Variants in AEBP1 observed in about 807,000 individuals in gnomAD.
AEBP1 encodes the protein AE binding protein 1.
AEBP1 carries 69 observed loss-of-function variants against 116.5 expected under a neutral mutation model. The ratio of observed to expected loss-of-function variants is 0.59; its 90% CI spans 0.49 to 0.72. The LOEUF is 0.72. AEBP1 is among the 30% of genes least tolerant of loss of function. The pLI is 0.00. For missense variants in AEBP1, 1,444 were observed against 1,557.5 expected, an observed-to-expected ratio of 0.93 and a Z score of 1.23; for synonymous variants, 627 against 627.3, an observed-to-expected ratio of 1.00 and a Z score of 0.01.
rs2096224651 is a variant in AEBP1 at position 44,107,861 on chromosome 7, G to A, written c.792G>A (p.Arg264=). The change falls in exon 5 of 21, where the codon AGG becomes AGA. Residue 264 remains arginine (R), a synonymous_variant. Transcript: ENST00000223357. The surrounding 1 kb of genome is among the most constrained non-coding windows in gnomAD (Gnocchi z 4.3). ...KQPRPPPSRR[R]RPERVWPEPP... ...CCAGGCCACCCCCAAGCAGAAGGAG[G>A]AGGCCCGAGCGGGTCTGGCCAGAGC... 1.9e-6 allele frequency: 3 copies of A among 1,609,746 alleles called. No homozygotes were observed. The East Asian group carries it at 6.7e-5, about 36-fold the overall frequency.
At position 44,108,473 on chromosome 7, in the gene AEBP1, C is replaced by G. The variant is rs1256641310; in HGVS notation, c.940+389C>G. On this transcript the variant is annotated intron_variant, in intron 6 of 20. Transcript: ENST00000223357. This position sits in a 1 kb window ranked among gnomAD's most constrained non-coding sequence, Gnocchi z 5.0. ...GCTTTTGCCTCCCTGTTGCTCATGC[C>G]CCTGCGTCCCTGGAGCCCTCAGGTT... 6.6e-6 allele frequency among the ~76,000 whole-genome samples: 1 copy of G among 152,088 alleles called. No individual in the cohort carries two copies. Among genetic ancestry groups the G allele is most frequent in the Non-Finnish European group, 1.5e-5 (1 of 67,986 alleles).
At chr7:44,109,440 G>A in intron 9 of AEBP1, 99 bp downstream of exon 9, 2 of 1,325,448 alleles carry the variant, frequency 1.5e-6, no homozygotes, top group Non-Finnish European at 2.0e-6. Context: ...CAGGTCCCCG[G>A]AACCCTTTCC....
rs370022508 is a variant in AEBP1 at position 44,110,940 on chromosome 7, A to G, written c.1513A>G (p.Thr505Ala). ...MTFHGNVDKD[T>A]PVLSELPEPV... is the part of the protein sequence containing the mutation. The stretch of plus-strand genomic sequence containing the variant: ...CTTTCATGGGAACGTGGACAAGGAC[A>G]CACCCGTGCTGAGTGAGCTCCCAGA... Residue 505 changes from threonine to alanine, a missense_variant, in exon 13 of 21, where the codon ACA becomes GCA. By Grantham distance (58) the Thr-to-Ala change is moderately conservative. Coordinates refer to ENST00000223357, the MANE Select transcript of AEBP1 (RefSeq NM_001129.5). 1 of 1,613,992 alleles carries G rather than the reference A, an allele frequency of 6.2e-7. No individual in the cohort carries two copies. The highest frequency in any genetic ancestry group is 8.5e-7 in the Non-Finnish European group (1 of 1,179,998).
intron 9 of AEBP1, chr7:44,109,549 G>A: frequency 1.6e-6 from 1 of 627,068 alleles, no homozygotes; most frequent in Non-Finnish European, 2.7e-6. Context: ...CCTGCTTCAG[G>A]AGGGTGGCAG....
At chr7:44,109,511 G>A in intron 9 of AEBP1, 170 bp downstream of exon 9, 2 of 744,772 alleles carry the variant, frequency 2.7e-6, no homozygotes, top group South Asian at 2.0e-5. Context: ...GCCTCGCTTG[G>A]CTGCCCCAGC....
chr7:44,110,132 T>G lies in AEBP1; in HGVS notation c.1260+8T>G. 6.2e-7 allele frequency: 1 copy of G among 1,613,040 alleles called. No homozygotes were observed. The highest frequency in any genetic ancestry group is 1.1e-5 in the South Asian group (1 of 91,078). ...GGCCGGCTCAACATGCAGGTGGGCATTGGGATGGGCCCATCTCCCAACTGG... is the reference window on the plus strand; with the variant it reads ...GGCCGGCTCAACATGCAGGTGGGCAGTGGGATGGGCCCATCTCCCAACTGG... On this transcript the variant is annotated splice_region_variant and intron_variant, in intron 10 of 20. Coordinates refer to ENST00000223357, the MANE Select transcript of AEBP1 (RefSeq NM_001129.5).
rs551344850 is a variant in AEBP1, at chr7:44,106,249, C to T, written c.254-297C>T. The T allele has an allele frequency of 3.6e-5, 21 of 581,622 alleles. No individual in the cohort carries two copies. The African/African-American group carries it at 3.7e-4, about 10-fold the overall frequency. The allele number at this position is 581,622 out of a possible 1,614,324, so 36.0% of individuals were successfully genotyped here. A position where few individuals can be genotyped will look rare whatever the true frequency, so the allele number is the denominator to read the frequency against. ...TAGTGGAGGAGTGGATAGTAAGGAA[C>T]CCCTATTGAGGTTTTGGCAGGTGGG... is the stretch of plus-strand genomic sequence containing the variant. On this transcript the variant is annotated intron_variant, in intron 1 of 20. Coordinates refer to ENST00000223357, the MANE Select transcript of AEBP1 (RefSeq NM_001129.5).
At chr7:44,105,162 C>T (rs1026403652) in intron 1 of AEBP1, among the ~76,000 whole-genome samples, 6 of 152,222 alleles carry the variant, frequency 3.9e-5, no homozygotes, top group African/African-American at 1.4e-4. Flanking sequence ...AGGGTTGGTG[C>T]TGTGGTTGTA....
chr7:44,112,101 G>A lies in AEBP1; in HGVS notation c.2038-41G>A, dbSNP rs761258286. The A allele has an allele frequency of 1.7e-5, 27 of 1,602,012 alleles. No homozygotes were observed. The highest frequency in any genetic ancestry group is 2.0e-5 in the Non-Finnish European group (24 of 1,170,928). ...GGGTCCAGGCAGCTGGGGGTTGTGG[G>A]GGTGTGGGTAGCCGATGCCTACCCT... On this transcript the variant is annotated intron_variant, in intron 16 of 20. Coordinates refer to ENST00000223357, the MANE Select transcript of AEBP1 (RefSeq NM_001129.5). The surrounding 1 kb of genome is among the most constrained non-coding windows in gnomAD (Gnocchi z 6.6).
chr7:44,114,271 C>T lies in AEBP1; in HGVS notation c.*10C>T, dbSNP rs1444409530. 1 of 1,611,834 alleles carries T rather than the reference C, an allele frequency of 6.2e-7. No homozygotes were observed. The highest frequency in any genetic ancestry group is 1.3e-5 in the African/African-American group (1 of 74,878). ...CTTTGGGGACTTCTGAGATCAGCGT[C>T]CTACCAAGACCCCAGCCCAACTCAA... is the stretch of plus-strand genomic sequence containing the variant. On this transcript the variant is annotated 3_prime_UTR_variant, in exon 21 of 21. Transcript: ENST00000223357.
In AEBP1 at chr7:44,109,193, C is replaced by CTGGGGCT; in HGVS notation, c.1096+16_1096+22dup. 6.2e-7 allele frequency: 1 copy of CTGGGGCT among 1,613,610 alleles called. No homozygotes were observed. The highest frequency in any genetic ancestry group is 8.5e-7 in the Non-Finnish European group (1 of 1,179,932). On this transcript the variant is annotated intron_variant, in intron 8 of 20. Transcript: ENST00000223357. ...GGGCAAGGACCACAAAGGTGTGTGG[C>CTGGGGCT]TGGGGCTTGGGGCCTGGGTCCCTGT... is the stretch of plus-strand genomic sequence containing the variant.
rs75175945 is a variant in AEBP1, at chr7:44,109,294, G to A, written c.1103G>A (p.Arg368Gln). Residue 368 changes from arginine to glutamine, a missense_variant, in exon 9 of 21, where the codon CGA becomes CAA. Physicochemically the swap from Arg to Gln is conservative, Grantham distance 43. Transcript: ENST00000223357. ...CTCCCTTCATTGTCCCTAGAGCCCC[G>A]AAAGGGCGAGGAGTTGGAGGAGGAG... ...VEKGKDHKEP[R>Q]KGEELEEEWT... The A allele has an allele frequency of 1.2e-4, 196 of 1,578,096 alleles. No individual in the cohort carries two copies. In the East Asian group the frequency reaches 1.7e-3, roughly 13 times the overall value.
chr7:44,109,719 C>T, intron 9 of AEBP1: 1 of 567,478 alleles, frequency 1.8e-6, no homozygotes, highest in Non-Finnish European at 3.2e-6. Flanking sequence ...GGGAGCTCTA[C>T]CTGTGATTTC....
rs367598223 is a variant in AEBP1 at position 44,110,007 on chromosome 7, G to A, written c.1151-8G>A. The A allele has an allele frequency of 7.2e-4, 1,153 of 1,609,590 alleles. No homozygotes were observed. Among genetic ancestry groups the A allele is most frequent in the Non-Finnish European group, 7.6e-4 (898 of 1,177,234 alleles). ...AGTGAGCCACCATTCTGGGGTACGC[G>A]TCCTCAGAGTGTCCCCCCATTGGGA... On this transcript the variant is annotated splice_region_variant and splice_polypyrimidine_tract_variant and intron_variant, in intron 9 of 20. Coordinates refer to ENST00000223357, the MANE Select transcript of AEBP1 (RefSeq NM_001129.5).
Position 44,108,198 on chromosome 7 carries a change from C to G in AEBP1, c.940+114C>G, listed in dbSNP as rs940773055. ...CCCACCTTGCAACCCCACCTGTGCC[C>G]GTGGTTACCTCGCTGTCCCTGCTGT... On this transcript the variant is annotated intron_variant, in intron 6 of 20. Transcript: ENST00000223357. This position sits in a 1 kb window ranked among gnomAD's most constrained non-coding sequence, Gnocchi z 5.0. 4.8e-6 allele frequency: 5 copies of G among 1,039,816 alleles called. No homozygotes were observed. The highest frequency in any genetic ancestry group is 5.7e-6 in the Non-Finnish European group (4 of 697,566). The allele number at this position is 1,039,816 out of a possible 1,614,324, so 64.4% of individuals were successfully genotyped here.
chr7:44,112,963 C>T lies in AEBP1; in HGVS notation c.2570-28C>T. The T allele has an allele frequency of 6.2e-7, 1 of 1,613,422 alleles. No individual in the cohort carries two copies. The highest frequency in any genetic ancestry group is 8.5e-7 in the Non-Finnish European group (1 of 1,179,742). ...GGGGCCTGGTCCGGAGAGGGGCTGA[C>T]TTTGGGTCTGTATCTGTCCCCGGCC... On this transcript the variant is annotated intron_variant, in intron 18 of 20. Coordinates refer to ENST00000223357, the MANE Select transcript of AEBP1 (RefSeq NM_001129.5). This position sits in a 1 kb window ranked among gnomAD's most constrained non-coding sequence, Gnocchi z 6.6.
chr7:44,112,690 C>T lies in AEBP1; in HGVS notation c.2350C>T (p.Leu784=), dbSNP rs771036564. Residue 784 remains leucine (L), a synonymous_variant, in exon 18 of 21, where the codon CTG becomes TTG. Coordinates refer to ENST00000223357, the MANE Select transcript of AEBP1 (RefSeq NM_001129.5). The surrounding 1 kb of genome is among the most constrained non-coding windows in gnomAD (Gnocchi z 6.6). ...DMARTPTQEQ[L]LAAAMAAARG... Reference sequence around the variant, plus strand: ...GGCCCGCACGCCTACCCAGGAGCAGCTGCTGGCCGCAGCCATGGCAGCAGC... The same window carrying T: ...GGCCCGCACGCCTACCCAGGAGCAGTTGCTGGCCGCAGCCATGGCAGCAGC... 5.0e-6 allele frequency: 8 copies of T among 1,613,268 alleles called. No individual in the cohort carries two copies. Among genetic ancestry groups the T allele is most frequent in the South Asian group, 4.4e-5 (4 of 91,084 alleles).
chr7:44,111,780 GTGGGTC>G lies in AEBP1; in HGVS notation c.1841-67_1841-62del. ...TGTCCCCCAGACCCTCGGGTATGAG[GTGGGTC>G]TGGGTCCTTCCTCAGCTGCCCTGGG... is the stretch of plus-strand genomic sequence containing the variant. On this transcript the variant is annotated intron_variant, in intron 15 of 20. Coordinates refer to ENST00000223357, the MANE Select transcript of AEBP1 (RefSeq NM_001129.5). The surrounding 1 kb of genome is among the most constrained non-coding windows in gnomAD (Gnocchi z 4.7). 2 of 1,544,588 alleles carry G rather than the reference GTGGGTC, an allele frequency of 1.3e-6. No individual in the cohort carries two copies. Among genetic ancestry groups the G allele is most frequent in the South Asian group, 2.4e-5 (2 of 83,308 alleles).
rs1415306314 is a variant in AEBP1, at chr7:44,108,899, T to C, written c.941T>C (p.Met314Thr). 3.2e-6 allele frequency: 5 copies of C among 1,576,470 alleles called. No homozygotes were observed. Among genetic ancestry groups the C allele is most frequent in the Non-Finnish European group, 4.3e-6 (5 of 1,162,000 alleles). ...DGYVIPNYDD[M>T]DYYFGPPPPQ... Reference sequence around the variant, plus strand: ...CTCAGCTGGCTCTCCCTCCCCATAGTGGACTATTACTTTGGGCCTCCTCCG... The same window carrying C: ...CTCAGCTGGCTCTCCCTCCCCATAGCGGACTATTACTTTGGGCCTCCTCCG... Residue 314 changes from methionine (M) to threonine (T), a missense_variant and splice_region_variant, in exon 7 of 21, where the codon ATG (methionine) becomes ACG (threonine). Physicochemically the swap from Met to Thr is moderately conservative, Grantham distance 81 (BLOSUM62 -1). Transcript: ENST00000223357. This position sits in a 1 kb window ranked among gnomAD's most constrained non-coding sequence, Gnocchi z 5.0.
Sources: gnomAD v4.1 joint callset for allele counts (sites outside exome capture counted in the v4.1 genomes callset) on GRCh38, gnomAD v4.1.1 for gene constraint, Gnocchi (gnomAD v3.1) non-coding constraint, MANE v1.5 for transcripts, NCBI Gene and HGNC (gene_info 2026-07-23, HGNC 2026-07-21) for gene names.